Variants in INSM2 observed in about 807,000 individuals in gnomAD.
The protein encoded by INSM2 is insulinoma-associated protein 2.
In INSM2, 12 loss-of-function variants were observed where a neutral mutation model predicts 30.5. That is an observed-to-expected ratio of 0.39 (90% confidence interval 0.25 to 0.64). INSM2 has a LOEUF of 0.64. Among genes scored for constraint, INSM2 ranks in the 30% least tolerant of loss-of-function variants. The probability of loss-of-function intolerance (pLI) is 0.47; values close to 1 mark genes in which losing one functional copy is unlikely to be tolerated. For synonymous variants in INSM2, 418 were observed against 383.7 expected, an observed-to-expected ratio of 1.09 and a Z score of -1.05; for missense variants, 773 against 819.2, an observed-to-expected ratio of 0.94 and a Z score of 0.69.
chr14:35,534,620 C>T lies in INSM2; in HGVS notation c.368C>T (p.Ala123Val), dbSNP rs1443687806. Residue 123 changes from alanine (A) to valine (V), a missense_variant, in exon 1 of 1, where the codon GCG becomes GTG. Transcript: ENST00000307169. ...CCGGCAGGCGCAGAGCTGCGTCGGG[C>T]GTTCCTGGAGCGCTGCCTCAGCTCG... ...AKPAGAELRR[A>V]FLERCLSSPV... The T allele has an allele frequency of 2.7e-5, 39 of 1,447,374 alleles. No homozygotes were observed. Among genetic ancestry groups the T allele is most frequent in the Non-Finnish European group, 3.3e-5 (37 of 1,111,436 alleles). 89.7% of individuals were successfully genotyped at this position (1,447,374 alleles called of 1,614,324 possible).
rs1337637905 is a variant in INSM2 at position 35,534,384 on chromosome 14, C to T, written c.132C>T (p.Ala44=). 1.2e-5 allele frequency: 18 copies of T among 1,546,862 alleles called. No individual in the cohort carries two copies. Among genetic ancestry groups the T allele is most frequent in the Non-Finnish European group, 1.5e-5 (17 of 1,152,248 alleles). Residue 44 remains alanine, a synonymous_variant, in exon 1 of 1, where the codon GCC becomes GCT. Transcript: ENST00000307169. ...APPFLEEAPS[A]SLPGAERATP... is the part of the protein sequence containing the mutation. The stretch of plus-strand genomic sequence containing the variant: ...CCTTCTTGGAGGAGGCTCCCAGCGC[C>T]TCCTTGCCCGGCGCGGAGCGGGCGA...
rs940654691 is a variant in INSM2 at position 35,537,018 on chromosome 14, A to G, written c.*1065A>G. The G allele has an allele frequency of 1.7e-4, 29 of 166,962 alleles. No homozygotes were observed. The highest frequency in any genetic ancestry group is 6.8e-4 in the African/African-American group (28 of 41,458). The allele number at this position is 166,962 out of a possible 1,614,324, so 10.3% of individuals were successfully genotyped here. A position where few individuals can be genotyped will look rare whatever the true frequency, so the allele number is the denominator to read the frequency against. On this transcript the variant is annotated 3_prime_UTR_variant, in exon 1 of 1. Coordinates refer to ENST00000307169, the MANE Select transcript of INSM2 (RefSeq NM_032594.4). ...TGCCTGACAGAAAGCCCGTATTTGT[A>G]AGATGCTTACCACCAAATAAATGTA...
rs1281636130 is a variant in INSM2 at position 35,534,566 on chromosome 14, GC to G, written c.318del (p.Ser107AlafsTer85). 2 of 1,399,592 alleles carry G rather than the reference GC, an allele frequency of 1.4e-6. No individual in the cohort carries two copies. Among genetic ancestry groups the G allele is most frequent in the Admixed American group, 3.4e-5 (1 of 29,058 alleles). The allele number at this position is 1,399,592 out of a possible 1,614,324, so 86.7% of individuals were successfully genotyped here. On this transcript the variant is annotated frameshift_variant, in exon 1 of 1. Transcript: ENST00000307169. LOFTEE classifies it high-confidence loss of function. ...GGTGGCAGGGAAGGTCCCGGGCCCA[GC>G]CCCAGCCCCAGCCCCAGTCCAGCGA... is the stretch of plus-strand genomic sequence containing the variant. Reference protein sequence around the residue: ...RAGGREGPGPSPSPSPSPAKP... With the variant: ...RAGGREGPGPXPSPSPSPAKP...
chr14:35,534,734 G>C lies in INSM2; in HGVS notation c.482G>C (p.Gly161Ala). Residue 161 changes from glycine to alanine, a missense_variant, in exon 1 of 1, where the codon GGG (glycine) becomes GCG (alanine). Gly to Ala is a moderately conservative substitution (Grantham distance 60, BLOSUM62 0). Transcript: ENST00000307169. ...SVAPAAAPTP[G>A]EQFLLPLRAP... Reference sequence around the variant, plus strand: ...GCGCCAGCAGCCGCACCGACCCCGGGGGAGCAGTTTCTGCTGCCGCTTCGG... The same window carrying C: ...GCGCCAGCAGCCGCACCGACCCCGGCGGAGCAGTTTCTGCTGCCGCTTCGG... The C allele has an allele frequency of 1.4e-6, 2 of 1,397,624 alleles. No homozygotes were observed. The highest frequency in any genetic ancestry group is 1.8e-6 in the Non-Finnish European group (2 of 1,082,968). 86.6% of individuals were successfully genotyped at this position (1,397,624 alleles called of 1,614,324 possible). A position where few individuals can be genotyped will look rare whatever the true frequency, so the allele number is the denominator to read the frequency against.
In INSM2 at chr14:35,535,458, C is replaced by T. The variant is rs766044707; in HGVS notation, c.1206C>T (p.Tyr402=). 1 of 1,613,044 alleles carries T rather than the reference C, an allele frequency of 6.2e-7. No individual in the cohort carries two copies. The highest frequency in any genetic ancestry group is 8.5e-7 in the Non-Finnish European group (1 of 1,179,920). ...AGCCACCGCTGCCTCAGGGCCCCTA[C>T]ACGGAGGGGGTGTTGGGGCGCCGGG... ...HPEPPLPQGP[Y]TEGVLGRRVP... The change falls in exon 1 of 1, where the codon TAC becomes TAT. Residue 402 remains tyrosine, a synonymous_variant. Transcript: ENST00000307169.
rs562582723 is a variant in INSM2, at chr14:35,536,442, T to C, written c.*489T>C. 3.0e-5 allele frequency: 5 copies of C among 166,694 alleles called. 1 individual carries two copies. The highest frequency in any genetic ancestry group is 9.6e-5 in the African/African-American group (4 of 41,588). 10.3% of individuals were successfully genotyped at this position (166,694 alleles called of 1,614,324 possible). A position where few individuals can be genotyped will look rare whatever the true frequency, so the allele number is the denominator to read the frequency against. On this transcript the variant is annotated 3_prime_UTR_variant, in exon 1 of 1. Coordinates refer to ENST00000307169, the MANE Select transcript of INSM2 (RefSeq NM_032594.4). ...TGTATATTCTGTGAATTAAAAGTTATGTGATTGGTGTCAAACTTAAGGAGA... is the reference window on the plus strand; with the variant it reads ...TGTATATTCTGTGAATTAAAAGTTACGTGATTGGTGTCAAACTTAAGGAGA...
At position 35,534,837 on chromosome 14, in the gene INSM2, C is replaced by T. The variant is rs1203322471; in HGVS notation, c.585C>T (p.Ala195=). ...SAALQSLKRA[A]GGERRGKAPT... The stretch of plus-strand genomic sequence containing the variant: ...CCCTTCAGAGTCTGAAGCGGGCGGC[C>T]GGCGGCGAGCGCCGCGGCAAGGCAC... Residue 195 remains alanine, a synonymous_variant, in exon 1 of 1, where the codon GCC becomes GCT. Coordinates refer to ENST00000307169, the MANE Select transcript of INSM2 (RefSeq NM_032594.4). 1 of 1,519,630 alleles carries T rather than the reference C, an allele frequency of 6.6e-7. No individual in the cohort carries two copies. Among genetic ancestry groups the T allele is most frequent in the Non-Finnish European group, 8.8e-7 (1 of 1,141,252 alleles). The allele number at this position is 1,519,630 out of a possible 1,614,324, so 94.1% of individuals were successfully genotyped here.
At position 35,535,949 on chromosome 14, in the gene INSM2, G is replaced by A; in HGVS notation, c.1697G>A (p.Cys566Tyr). 2 of 1,600,480 alleles carry A rather than the reference G, an allele frequency of 1.2e-6. No individual in the cohort carries two copies. Among genetic ancestry groups the A allele is most frequent in the Non-Finnish European group, 1.7e-6 (2 of 1,173,746 alleles). ...LLLQMPLRPG[C>Y] ...CTGCAGATGCCACTGCGGCCTGGCT[G>A]CTGAGGGACGAGAGACCAGGATGAT... is the stretch of plus-strand genomic sequence containing the variant. Residue 566 changes from cysteine to tyrosine, a missense_variant, in exon 1 of 1, where the codon TGC becomes TAC. Physicochemically the swap from Cys to Tyr is radical, Grantham distance 194. Coordinates refer to ENST00000307169, the MANE Select transcript of INSM2 (RefSeq NM_032594.4).
In INSM2 at chr14:35,536,302, A is replaced by G. The variant is rs1311859262; in HGVS notation, c.*349A>G. The G allele has an allele frequency of 4.4e-6, 1 of 226,150 alleles. No homozygotes were observed. The highest frequency in any genetic ancestry group is 1.2e-4 in the East Asian group (1 of 8,268). The allele number at this position is 226,150 out of a possible 1,614,324, so 14.0% of individuals were successfully genotyped here. A position where few individuals can be genotyped will look rare whatever the true frequency, so the allele number is the denominator to read the frequency against. On this transcript the variant is annotated 3_prime_UTR_variant, in exon 1 of 1. Transcript: ENST00000307169. Reference sequence around the variant, plus strand: ...ATGGAAAGTCGCGGTGAATGCGTGCATGTCTCAATGTCCACAAAGGATTCT... The same window carrying G: ...ATGGAAAGTCGCGGTGAATGCGTGCGTGTCTCAATGTCCACAAAGGATTCT...
In INSM2 at chr14:35,534,715, GC is replaced by G; in HGVS notation, c.464del (p.Ala155GlufsTer37). The G allele has an allele frequency of 7.2e-7, 1 of 1,391,520 alleles. No individual in the cohort carries two copies. The highest frequency in any genetic ancestry group is 1.6e-5 in the South Asian group (1 of 60,708). The allele number at this position is 1,391,520 out of a possible 1,614,324, so 86.2% of individuals were successfully genotyped here. ...VAAFSCSVAP[A>X]AAPTPGEQFL... Reference sequence around the variant, plus strand: ...CGCTTTCTCCTGCTCCGTGGCGCCAGCAGCCGCACCGACCCCGGGGGAGCAG... The same window carrying G: ...CGCTTTCTCCTGCTCCGTGGCGCCAGAGCCGCACCGACCCCGGGGGAGCAG... On this transcript the variant is annotated frameshift_variant, in exon 1 of 1. Transcript: ENST00000307169. LOFTEE classifies it high-confidence loss of function.
In INSM2 at chr14:35,534,605, C is replaced by T. The variant is rs763490919; in HGVS notation, c.353C>T (p.Ala118Val). The T allele has an allele frequency of 1.4e-6, 2 of 1,448,802 alleles. No homozygotes were observed. The highest frequency in any genetic ancestry group is 1.8e-6 in the Non-Finnish European group (2 of 1,111,550). 89.7% of individuals were successfully genotyped at this position (1,448,802 alleles called of 1,614,324 possible). ...PSPSPAKPAG[A>V]ELRRAFLERC... Reference sequence around the variant, plus strand: ...CCCAGTCCAGCGAAGCCGGCAGGCGCAGAGCTGCGTCGGGCGTTCCTGGAG... The same window carrying T: ...CCCAGTCCAGCGAAGCCGGCAGGCGTAGAGCTGCGTCGGGCGTTCCTGGAG... Residue 118 changes from alanine (A) to valine (V), a missense_variant, in exon 1 of 1, where the codon GCA (alanine) becomes GTA (valine). Physicochemically the swap from Ala to Val is moderately conservative, Grantham distance 64. Coordinates refer to ENST00000307169, the MANE Select transcript of INSM2 (RefSeq NM_032594.4).
rs1401988856 is a variant in INSM2 at position 35,534,657 on chromosome 14, CGA to C, written c.407_408del (p.Glu136ValfsTer94). 1 of 1,411,262 alleles carries C rather than the reference CGA, an allele frequency of 7.1e-7. No homozygotes were observed. The highest frequency in any genetic ancestry group is 1.5e-5 in the African/African-American group (1 of 65,940). 87.4% of individuals were successfully genotyped at this position (1,411,262 alleles called of 1,614,324 possible). On this transcript the variant is annotated frameshift_variant, in exon 1 of 1. Transcript: ENST00000307169. LOFTEE classifies it high-confidence loss of function. Reference sequence around the variant, plus strand: ...GCTGCCTCAGCTCGCCCGTCTCCGCCGAGTCTTTCCCCGGGGGCGCCGCCGCC... The same window carrying C: ...GCTGCCTCAGCTCGCCCGTCTCCGCCGTCTTTCCCCGGGGGCGCCGCCGCC... ...ERCLSSPVSA[E>X]SFPGGAAAVA...
Position 35,536,775 on chromosome 14 carries a change from T to C in INSM2, c.*822T>C, listed in dbSNP as rs1157802999. On this transcript the variant is annotated 3_prime_UTR_variant, in exon 1 of 1. Coordinates refer to ENST00000307169, the MANE Select transcript of INSM2 (RefSeq NM_032594.4). The stretch of plus-strand genomic sequence containing the variant: ...GGTTTCACCCAAATTGTTTAATGCT[T>C]CTGCTGTAAATGTCATACTGTGTAT... 1 of 167,060 alleles carries C rather than the reference T, an allele frequency of 6.0e-6. No homozygotes were observed. The highest frequency in any genetic ancestry group is 1.9e-4 in the East Asian group (1 of 5,210). The allele number at this position is 167,060 out of a possible 1,614,324, so 10.3% of individuals were successfully genotyped here. A position where few individuals can be genotyped will look rare whatever the true frequency, so the allele number is the denominator to read the frequency against.
chr14:35,535,902 A>AG lies in INSM2; in HGVS notation c.1651dup (p.Glu551GlyfsTer24). The AG allele has an allele frequency of 6.2e-7, 1 of 1,613,256 alleles. No individual in the cohort carries two copies. On this transcript the variant is annotated frameshift_variant, in exon 1 of 1. Coordinates refer to ENST00000307169, the MANE Select transcript of INSM2 (RefSeq NM_032594.4). LOFTEE classifies it high-confidence loss of function. ...GGCACATCAATAAGTGCCACCCCTC[A>AG]GAAAGCCGGCAAGTGCTGCTGCTGC...
Position 35,535,201 on chromosome 14 carries a change from C to T in INSM2, c.949C>T (p.Pro317Ser), listed in dbSNP as rs761203464. The T allele has an allele frequency of 2.5e-6, 4 of 1,613,042 alleles. No homozygotes were observed. The highest frequency in any genetic ancestry group is 1.7e-5 in the Admixed American group (1 of 60,012). ...ASHRRWHKPR[P>S]AAANAATVSS... ...CCATCGCCGCTGGCATAAGCCGCGT[C>T]CTGCGGCTGCAAACGCCGCCACAGT... is the stretch of plus-strand genomic sequence containing the variant. Residue 317 changes from proline to serine, a missense_variant, in exon 1 of 1, where the codon CCT becomes TCT. Physicochemically the swap from Pro to Ser is moderately conservative, Grantham distance 74 (BLOSUM62 -1). Transcript: ENST00000307169.
At position 35,535,439 on chromosome 14, in the gene INSM2, C is replaced by T; in HGVS notation, c.1187C>T (p.Pro396Leu). The T allele has an allele frequency of 1.2e-6, 2 of 1,612,358 alleles. No individual in the cohort carries two copies. The highest frequency in any genetic ancestry group is 8.5e-7 in the Non-Finnish European group (1 of 1,179,558). The change falls in exon 1 of 1, where the codon CCG (proline) becomes CTG (leucine). Residue 396 changes from proline (P) to leucine (L), a missense_variant. By Grantham distance (98) the Pro-to-Leu change is moderately conservative (BLOSUM62 -3). Coordinates refer to ENST00000307169, the MANE Select transcript of INSM2 (RefSeq NM_032594.4). ...GLQVLTHPEP[P>L]LPQGPYTEGV... ...CAGGTGCTGACGCATCCAGAGCCAC[C>T]GCTGCCTCAGGGCCCCTACACGGAG... is the stretch of plus-strand genomic sequence containing the variant.
Position 35,535,415 on chromosome 14 carries a change from A to C in INSM2, c.1163A>C (p.Gln388Pro). 4 of 1,611,946 alleles carry C rather than the reference A, an allele frequency of 2.5e-6. No individual in the cohort carries two copies. The highest frequency in any genetic ancestry group is 3.4e-6 in the Non-Finnish European group (4 of 1,179,360). The stretch of plus-strand genomic sequence containing the variant: ...GACAGCGCCCCGAGGCAGGGCCTCC[A>C]GGTGCTGACGCATCCAGAGCCACCG... ...HPDSAPRQGL[Q>P]VLTHPEPPLP... is the part of the protein sequence containing the mutation. Residue 388 changes from glutamine (Q) to proline (P), a missense_variant, in exon 1 of 1, where the codon CAG (glutamine) becomes CCG (proline). Transcript: ENST00000307169.
rs868255521 is a variant in INSM2, at chr14:35,534,296, G to A, written c.44G>A (p.Gly15Asp). ...FLVKRTKRTG[G>D]LYRVRLAERV... ...GTGAAGCGAACTAAACGGACAGGCGGCTTGTACCGAGTTCGCCTTGCGGAG... is the reference window on the plus strand; with the variant it reads ...GTGAAGCGAACTAAACGGACAGGCGACTTGTACCGAGTTCGCCTTGCGGAG... Residue 15 changes from glycine (G) to aspartate (D), a missense_variant, in exon 1 of 1, where the codon GGC (glycine) becomes GAC (aspartate). Physicochemically the swap from Gly to Asp is moderately conservative, Grantham distance 94. Coordinates refer to ENST00000307169, the MANE Select transcript of INSM2 (RefSeq NM_032594.4). The A allele has an allele frequency of 1.9e-6, 3 of 1,595,190 alleles. No homozygotes were observed. Among genetic ancestry groups the A allele is most frequent in the Non-Finnish European group, 2.6e-6 (3 of 1,171,632 alleles).
Position 35,535,424 on chromosome 14 carries a change from C to T in INSM2, c.1172C>T (p.Thr391Met). The change falls in exon 1 of 1, where the codon ACG (threonine) becomes ATG (methionine). Residue 391 changes from threonine (T) to methionine (M), a missense_variant. Thr to Met is a moderately conservative substitution (Grantham distance 81). Transcript: ENST00000307169. ...SAPRQGLQVL[T>M]HPEPPLPQGP... is the part of the protein sequence containing the mutation. ...CCGAGGCAGGGCCTCCAGGTGCTGA[C>T]GCATCCAGAGCCACCGCTGCCTCAG... is the stretch of plus-strand genomic sequence containing the variant. 6.2e-7 allele frequency: 1 copy of T among 1,612,044 alleles called. No homozygotes were observed. Among genetic ancestry groups the T allele is most frequent in the Non-Finnish European group, 8.5e-7 (1 of 1,179,398 alleles).
Sources: allele counts gnomAD v4.1 joint callset, GRCh38; gene constraint gnomAD v4.1.1; transcripts MANE v1.5; gene names NCBI Gene and HGNC (gene_info 2026-07-23, HGNC 2026-07-21).